Variants in DGKB observed in about 807,000 individuals in gnomAD.
DGKB encodes diacylglycerol kinase beta, also known as 90 kDa diacylglycerol kinase.
In DGKB, 67 loss-of-function variants were observed where a neutral mutation model predicts 114.3. The ratio of observed to expected loss-of-function variants is 0.59; its 90% CI spans 0.48 to 0.72. The LOEUF is 0.72. DGKB is among the 30% of genes least tolerant of loss of function. The probability of loss-of-function intolerance (pLI) is 0.00; values close to 1 mark genes in which losing one functional copy is unlikely to be tolerated. For missense variants in DGKB, 907 were observed against 975.2 expected (o/e 0.93, Z 0.93); for synonymous variants, 398 against 323.1 (o/e 1.23, Z -2.49).
intron 23 of DGKB, among the ~76,000 whole-genome samples, chr7:14,327,839 G>A (rs1487832550): frequency 6.6e-6 from 1 of 152,162 alleles, no homozygotes; most frequent in Non-Finnish European, 1.5e-5. Context: ...AGCCATCACT[G>A]ATTAATACAT....
chr7:14,550,034 A>G (rs2128639596), intron 20 of DGKB, among the ~76,000 whole-genome samples: 1 of 152,154 alleles, frequency 6.6e-6, no homozygotes, highest in Admixed American at 6.6e-5. Flanking sequence ...ATGAACAAGC[A>G]ATTTTTGAAA....
chr7:14,387,186 G>A (rs1410004034), intron 21 of DGKB, among the ~76,000 whole-genome samples: 1 of 152,036 alleles, frequency 6.6e-6, no homozygotes, highest in East Asian at 1.9e-4. Context: ...CACTTTGGGA[G>A]GCCAAGTTGC....
chr7:14,823,013 C>T (rs905766244), intron 2 of DGKB, among the ~76,000 whole-genome samples: 1 of 151,794 alleles, frequency 6.6e-6, no homozygotes, highest in African/African-American at 2.4e-5. Flanking sequence ...TTTACCTATT[C>T]TATTGTAAAT....
chr7:14,209,630 ATTTG>A, intron 23 of DGKB: 1 of 388,684 alleles, frequency 2.6e-6, no homozygotes, highest in Non-Finnish European at 5.2e-6. Flanking sequence ...CCAATCTCCC[ATTTG>A]AAGAAAAAAA....
intron 21 of DGKB, among the ~76,000 whole-genome samples, chr7:14,448,180 G>C (rs1164866131): frequency 6.6e-6 from 1 of 151,994 alleles, no homozygotes; most frequent in Non-Finnish European, 1.5e-5. Context: ...AATAATAGAA[G>C]AGCCACATAA....
At chr7:14,294,819 A>G (rs935869983) in intron 23 of DGKB, among the ~76,000 whole-genome samples, 2 of 152,182 alleles carry the variant, frequency 1.3e-5, no homozygotes, top group African/African-American at 4.8e-5. Flanking sequence ...CAAGTGACTC[A>G]CTAGTTTAAT....
At chr7:14,643,416 G>A (rs561326096) in intron 13 of DGKB, among the ~76,000 whole-genome samples, 243 of 152,220 alleles carry the variant, frequency 1.6e-3, no homozygotes, top group Middle Eastern at 3.4e-3. Context: ...ATGCATCATG[G>A]CATTATTTTG....
chr7:14,266,369 T>A (rs38272), intron 23 of DGKB, among the ~76,000 whole-genome samples: 8 of 151,738 alleles, frequency 5.3e-5, no homozygotes, highest in African/African-American at 1.7e-4. Flanking sequence ...GCCAAATATC[T>A]CAAAAATCCA....
rs138907877 is a variant in DGKB, at chr7:14,469,758, G to A, written c.1835+8403C>T. 7.1e-3 allele frequency among the ~76,000 whole-genome samples: 1,075 copies of A among 152,008 alleles called. 10 individuals are homozygous for A. Among genetic ancestry groups the A allele is most frequent in the African/African-American group, 0.024 (995 of 41,498 alleles). ...ACATACAAATAAAAATATATGAATC[G>A]AGGAGCATAGTAAATTATTTTAAAA... On this transcript the variant is annotated intron_variant, in intron 21 of 25. Transcript: ENST00000402815.
chr7:14,538,267 A>T (rs986548629), intron 20 of DGKB, among the ~76,000 whole-genome samples: 1 of 152,086 alleles, frequency 6.6e-6, no homozygotes, highest in Admixed American at 6.6e-5. Context: ...CCTCAATAGC[A>T]AAACAAAACA....
chr7:14,164,100 A>T (rs1048346725), intron 25 of DGKB, among the ~76,000 whole-genome samples: 1 of 152,208 alleles, frequency 6.6e-6, no homozygotes, highest in African/African-American at 2.4e-5. Context: ...TATCTATAGT[A>T]TTTAAATATT....
intron 8 of DGKB, among the ~76,000 whole-genome samples, chr7:14,695,553 G>C (rs1823708073): frequency 7.7e-6 from 1 of 129,160 alleles, no homozygotes; most frequent in African/African-American, 3.0e-5. Flanking sequence ...AGGCTGGAGT[G>C]CTGTGGCGCA....
At chr7:14,720,473 TTG>T (rs61654464) in intron 5 of DGKB, among the ~76,000 whole-genome samples, 21,251 of 135,842 alleles carry the variant, frequency 0.16, 1,615 homozygotes, top group Middle Eastern at 0.26. Context: ...CCCGGCTGAT[TTG>T]TGTGTGTGTG....
rs184256313 is a variant in DGKB, at chr7:14,537,301, C to T, written c.1770+36911G>A. ...TCAAAATATCAAAGATATTTTTATA[C>T]AGAAATAGAAAAATAATTCTAAAAT... On this transcript the variant is annotated intron_variant, in intron 20 of 25. Coordinates refer to ENST00000402815, the MANE Select transcript of DGKB (RefSeq NM_001350709.2). 2.6e-5 allele frequency among the ~76,000 whole-genome samples: 4 copies of T among 152,154 alleles called. No homozygotes were observed. In the East Asian group the frequency reaches 7.7e-4, roughly 29 times the overall value.
intron 23 of DGKB, chr7:14,209,461 T>C (rs117936129): frequency 0.021 from 9,811 of 476,744 alleles, 134 homozygotes; most frequent in Middle Eastern, 0.033. Flanking sequence ...GGCTATTCTC[T>C]GGAGTAATGA....
At chr7:14,271,731 A>T (rs1798293757) in intron 23 of DGKB, among the ~76,000 whole-genome samples, 1 of 152,192 alleles carries the variant, frequency 6.6e-6, no homozygotes, top group South Asian at 2.1e-4. Context: ...CAAACACAAA[A>T]GCTTTTAGTT....
chr7:14,948,062 C>A (rs532414558), intron 1 of DGKB, among the ~76,000 whole-genome samples: 2 of 151,562 alleles, frequency 1.3e-5, no homozygotes, highest in East Asian at 3.9e-4. Flanking sequence ...AATATATTGG[C>A]GATTTTATTT....
intron 23 of DGKB, among the ~76,000 whole-genome samples, chr7:14,190,408 A>G (rs1784122553): frequency 6.6e-6 from 1 of 152,138 alleles, no homozygotes; most frequent in Non-Finnish European, 1.5e-5. Flanking sequence ...AGGGAAATTT[A>G]TAGTAATAAT....
At chr7:14,375,115 C>T (rs1380704709) in intron 21 of DGKB, among the ~76,000 whole-genome samples, 4 of 152,174 alleles carry the variant, frequency 2.6e-5, no homozygotes, top group African/African-American at 9.7e-5. Flanking sequence ...CCTCTCTCCG[C>T]CTCCCACAGA....
Sources: allele counts gnomAD v4.1 joint callset (sites outside exome capture counted in the v4.1 genomes callset), GRCh38; gene constraint gnomAD v4.1.1; transcripts MANE v1.5; gene names NCBI Gene and HGNC (gene_info 2026-07-23, HGNC 2026-07-21).